Variants in ERC2 observed in about 807,000 individuals in gnomAD.
ERC2 encodes ERC protein 2.
A neutral mutation model predicts 114.8 loss-of-function variants in ERC2; 42 were observed. That is an observed-to-expected ratio of 0.37 (90% CI 0.29 to 0.47). ERC2 has a LOEUF of 0.47. Ranked by LOEUF, ERC2 falls within the 20% of genes least tolerant of loss-of-function variation. The pLI is 0.99. For missense variants in ERC2, 939 were observed against 1,150.7 expected (o/e 0.82, Z 2.66); for synonymous variants, 454 against 425.5 (o/e 1.07, Z -0.82).
At chr3:55,835,844 C>T (rs1224536621) in intron 14 of ERC2, among the ~76,000 whole-genome samples, 2 of 151,728 alleles carry the variant, frequency 1.3e-5, no homozygotes, top group Non-Finnish European at 2.9e-5. Context: ...GATTGTATAT[C>T]TAGAAAACCC....
At chr3:55,906,589 G>A (rs1228032745) in intron 13 of ERC2, among the ~76,000 whole-genome samples, 1 of 152,170 alleles carries the variant, frequency 6.6e-6, no homozygotes, top group Non-Finnish European at 1.5e-5. Flanking sequence ...AACAATATGT[G>A]TTTTAACAAC....
At chr3:55,623,959 G>A (rs114664316) in intron 17 of ERC2, among the ~76,000 whole-genome samples, 9 of 152,330 alleles carry the variant, frequency 5.9e-5, no homozygotes, top group African/African-American at 1.7e-4. Context: ...ACAGTCTATA[G>A]GGAATTTCCA....
At chr3:55,698,609 A>G (rs2063059425) in intron 16 of ERC2, among the ~76,000 whole-genome samples, 1 of 152,212 alleles carries the variant, frequency 6.6e-6, no homozygotes, top group Non-Finnish European at 1.5e-5. Context: ...CAGTTACACT[A>G]GGATCACCAA....
intron 3 of ERC2, among the ~76,000 whole-genome samples, chr3:56,281,478 T>G (rs2054345089): frequency 6.7e-6 from 1 of 149,118 alleles, no homozygotes; most frequent in Non-Finnish European, 1.5e-5. Context: ...GGACATTATC[T>G]CTGCTTACAA....
At chr3:56,434,152 T>A (rs1174405712) in intron 2 of ERC2, 199 bp downstream of exon 2, 2 of 571,044 alleles carry the variant, frequency 3.5e-6, no homozygotes, top group East Asian at 2.9e-5. Context: ...GAAAAGGTTA[T>A]CGGAAAATAA....
intron 14 of ERC2, among the ~76,000 whole-genome samples, chr3:55,831,757 G>A (rs1482972072): frequency 6.6e-6 from 1 of 152,162 alleles, no homozygotes; most frequent in Non-Finnish European, 1.5e-5. Context: ...GTGGGTGCAG[G>A]ACAGTGGGTA....
intron 14 of ERC2, among the ~76,000 whole-genome samples, chr3:55,806,661 T>A (rs1009213588): frequency 1.3e-5 from 2 of 152,114 alleles, no homozygotes; most frequent in Non-Finnish European, 2.9e-5. Flanking sequence ...CTACTAAGCA[T>A]CCTACAAGAC....
chr3:56,447,070 T>A (rs1577011598), intron 1 of ERC2, among the ~76,000 whole-genome samples: 1 of 152,150 alleles, frequency 6.6e-6, no homozygotes, highest in African/African-American at 2.4e-5. Flanking sequence ...CACTCCCAAG[T>A]GAAGCCAAAG....
At chr3:56,132,722 C>T (rs978136389) in intron 6 of ERC2, among the ~76,000 whole-genome samples, 1 of 152,174 alleles carries the variant, frequency 6.6e-6, no homozygotes, top group African/African-American at 2.4e-5. Flanking sequence ...GGGTATCCAA[C>T]AATCAGAGAG....
intron 6 of ERC2, among the ~76,000 whole-genome samples, chr3:56,132,991 C>G (rs557869442): frequency 6.6e-6 from 1 of 152,202 alleles, no homozygotes; most frequent in African/African-American, 2.4e-5. Flanking sequence ...TTATTATAGC[C>G]ATAATGTTAC....
At chr3:55,807,029 T>C (rs1202387641) in intron 14 of ERC2, among the ~76,000 whole-genome samples, 1 of 152,134 alleles carries the variant, frequency 6.6e-6, no homozygotes, top group East Asian at 1.9e-4. Flanking sequence ...ACATGATGGC[T>C]AAAGAAGCTC....
At chr3:56,390,470 C>A (rs1044480968) in intron 2 of ERC2, among the ~76,000 whole-genome samples, 3 of 152,082 alleles carry the variant, frequency 2.0e-5, no homozygotes, top group Admixed American at 6.6e-5. Flanking sequence ...CAAAAAAGGG[C>A]GGCAAAGGAG....
chr3:55,961,938 A>G (rs1293614481), intron 12 of ERC2, among the ~76,000 whole-genome samples: 1 of 150,992 alleles, frequency 6.6e-6, no homozygotes, highest in Admixed American at 6.6e-5. Flanking sequence ...TCCAAGTCTT[A>G]TCTTATCCTC....
In ERC2 at chr3:56,194,910, T is replaced by C. The variant is rs1364258427; in HGVS notation, c.1075-21390A>G. ...TGTTTCTAGATCTTTTCTACATGAATGTGTGTACAATAGTCCTCACTTATC... is the reference window on the plus strand; with the variant it reads ...TGTTTCTAGATCTTTTCTACATGAACGTGTGTACAATAGTCCTCACTTATC... On this transcript the variant is annotated intron_variant, in intron 3 of 17. Transcript: ENST00000288221. Among the ~76,000 whole-genome samples the C allele has an allele frequency of 2.0e-5, 3 of 152,176 alleles. No homozygotes were observed. The East Asian group carries it at 5.8e-4, about 29-fold the overall frequency.
Position 56,161,860 on chromosome 3 carries a change from T to C in ERC2, c.1149+11586A>G, listed in dbSNP as rs1042920868. On this transcript the variant is annotated intron_variant, in intron 4 of 17. Transcript: ENST00000288221. ...GATATAGCTTGACTTCTTTTCCTGT[T>C]TAGTTGCCTTTTATTTCTTTCTCTT... 2.6e-5 allele frequency among the ~76,000 whole-genome samples: 4 copies of C among 152,166 alleles called. No homozygotes were observed. The East Asian group carries it at 5.8e-4, about 22-fold the overall frequency.
intron 12 of ERC2, among the ~76,000 whole-genome samples, chr3:55,975,617 C>T (rs2069521145): frequency 6.6e-6 from 1 of 152,200 alleles, no homozygotes; most frequent in Non-Finnish European, 1.5e-5. Flanking sequence ...GCTTGGGCTA[C>T]TGCCTATCTC....
chr3:55,674,993 C>A (rs2061721562), intron 17 of ERC2, among the ~76,000 whole-genome samples: 1 of 152,112 alleles, frequency 6.6e-6, no homozygotes, highest in Non-Finnish European at 1.5e-5. Flanking sequence ...ATTTTGTCAC[C>A]ATGGGAACAA....
Position 55,510,845 on chromosome 3 carries a change from G to C in ERC2, c.*471C>G, listed in dbSNP as rs3796232. The C allele has an allele frequency of 0.42, 63,236 of 152,068 alleles. 13,664 individuals are homozygous for C. Among genetic ancestry groups the C allele is most frequent in the Non-Finnish European group, 0.48 (32,958 of 67,972 alleles). The allele number at this position is 152,068 out of a possible 1,614,324, so 9.4% of individuals were successfully genotyped here. A position where few individuals can be genotyped will look rare whatever the true frequency, so the allele number is the denominator to read the frequency against. ...AATGCATTAGGAATGACCAATTAGAGTGAACCAGCAGGATACTGGAGATGA... is the reference window on the plus strand; with the variant it reads ...AATGCATTAGGAATGACCAATTAGACTGAACCAGCAGGATACTGGAGATGA... On this transcript the variant is annotated 3_prime_UTR_variant, in exon 18 of 18. Coordinates refer to ENST00000288221, the MANE Select transcript of ERC2 (RefSeq NM_015576.3).
At chr3:56,205,671 C>A (rs917326725) in intron 3 of ERC2, among the ~76,000 whole-genome samples, 5 of 152,122 alleles carry the variant, frequency 3.3e-5, no homozygotes, top group Non-Finnish European at 5.9e-5. Context: ...AAACCAGATG[C>A]AACAGATGCC....
Sources: allele counts gnomAD v4.1 joint callset (sites outside exome capture counted in the v4.1 genomes callset), GRCh38; gene constraint gnomAD v4.1.1; transcripts MANE v1.5; gene names NCBI Gene and HGNC (gene_info 2026-07-23, HGNC 2026-07-21).